ABLIM1: variants seen among roughly 807,000 people sequenced by gnomAD.
ABLIM1 encodes the protein actin binding LIM protein 1, also known as actin-binding LIM protein 1.
Under a neutral mutation model 107.0 loss-of-function variants are expected in ABLIM1, and 40 were observed. The ratio of observed to expected loss-of-function variants is 0.37; its 90% confidence interval spans 0.29 to 0.49. ABLIM1 has a LOEUF of 0.49. ABLIM1 is among the 20% of genes least tolerant of loss of function. The pLI, the probability that ABLIM1 is intolerant of heterozygous loss-of-function variation, is 0.97. For synonymous variants in ABLIM1, 357 were observed against 357.3 expected, an observed-to-expected ratio of 1.00 and a Z score of 0.01; for missense variants, 857 against 1,008.5, an observed-to-expected ratio of 0.85 and a Z score of 2.04.
intron 12 of ABLIM1, among the ~76,000 whole-genome samples, chr10:114,458,457 G>C (rs1382515128): frequency 6.6e-6 from 1 of 152,092 alleles, no homozygotes; most frequent in Non-Finnish European, 1.5e-5. Flanking sequence ...GAATAGAGAT[G>C]GGGGTGTGCG....
chr10:114,768,629 G>A (rs2142777940), upstream of ABLIM1, among the ~76,000 whole-genome samples: 1 of 151,820 alleles, frequency 6.6e-6, no homozygotes, highest in South Asian at 2.1e-4. Flanking sequence ...CAGCCCCTCC[G>A]AGTCGGCCAG....
intron 12 of ABLIM1, among the ~76,000 whole-genome samples, chr10:114,463,626 A>G (rs2064443506): frequency 6.6e-6 from 1 of 151,940 alleles, no homozygotes; most frequent in Non-Finnish European, 1.5e-5. Flanking sequence ...GATTTTGCCT[A>G]CATAGAAGGA....
At chr10:114,727,394 C>G (rs2081982688) in intron 1 of ABLIM1, among the ~76,000 whole-genome samples, 1 of 152,120 alleles carries the variant, frequency 6.6e-6, no homozygotes, top group South Asian at 2.1e-4. Flanking sequence ...TCTCAGTCAT[C>G]CAAGAATTGA....
intron 2 of ABLIM1, among the ~76,000 whole-genome samples, chr10:114,579,432 AT>A (rs1159830571): frequency 1.3e-5 from 2 of 152,194 alleles, no homozygotes; most frequent in Non-Finnish European, 2.9e-5. Context: ...TAAAAATCCC[AT>A]TTTTAGATAA....
At chr10:114,793,698 G>A in the ABLIM1 span, among the ~76,000 whole-genome samples, 1 of 152,108 alleles carries the variant, frequency 6.6e-6, no homozygotes, top group African/African-American at 2.4e-5. Flanking sequence ...GCCCATTACT[G>A]GGAGATGGGA....
chr10:114,505,554 A>T (rs2061011002), intron 6 of ABLIM1, among the ~76,000 whole-genome samples: 1 of 152,256 alleles, frequency 6.6e-6, no homozygotes, highest in South Asian at 2.1e-4. Flanking sequence ...ATAGGGCAGT[A>T]TCAGATAACA....
At chr10:114,479,799 C>T in intron 8 of ABLIM1, among the ~76,000 whole-genome samples, 1 of 152,152 alleles carries the variant, frequency 6.6e-6, no homozygotes, top group Non-Finnish European at 1.5e-5. Context: ...ATCCTAGATA[C>T]TTAGAATTTT....
chr10:114,538,170 C>T (rs781272187), intron 6 of ABLIM1, among the ~76,000 whole-genome samples: 11 of 152,198 alleles, frequency 7.2e-5, no homozygotes, highest in African/African-American at 2.4e-4. Flanking sequence ...ACATCATAAA[C>T]ATTTGCCCCT....
intron 6 of ABLIM1, chr10:114,526,705 C>G: frequency 1.0e-6 from 1 of 985,544 alleles, no homozygotes; most frequent in Non-Finnish European, 1.2e-6. Context: ...CTTGGCTGTG[C>G]TGAGCAGAGA....
At chr10:114,721,899 T>C (rs888791757) in intron 1 of ABLIM1, among the ~76,000 whole-genome samples, 1 of 152,202 alleles carries the variant, frequency 6.6e-6, no homozygotes, top group Non-Finnish European at 1.5e-5. Flanking sequence ...GTGGGATTCC[T>C]ATAAGCAAAG....
intron 7 of ABLIM1, among the ~76,000 whole-genome samples, chr10:114,491,002 G>A (rs1404003606): frequency 1.2e-4 from 9 of 78,088 alleles, no homozygotes; most frequent in Admixed American, 2.8e-4. Context: ...GTGTGTGTGT[G>A]TGTGTGTGTG....
At chr10:114,447,818 G>T in intron 15 of ABLIM1, 62 bp downstream of exon 15, 1 of 1,584,102 alleles carries the variant, frequency 6.3e-7, no homozygotes, top group Non-Finnish European at 8.6e-7. Context: ...ATGTTTTTAA[G>T]CATGTCATCT....
Position 114,601,808 on chromosome 10 carries a change from G to A in ABLIM1, c.379+19C>T, listed in dbSNP as rs754913281. 11 of 1,614,040 alleles carry A rather than the reference G, an allele frequency of 6.8e-6. No homozygotes were observed. The highest frequency in any genetic ancestry group is 3.3e-5 in the Admixed American group (2 of 60,004). ...CGACCATGGCATGCCACTGAGCCAC[G>A]AAGCTGGAGGCACCATACCTTTGCA... On this transcript the variant is annotated intron_variant, in intron 2 of 22. Transcript: ENST00000533213.
At chr10:114,727,258 T>G (rs1038512630) in intron 1 of ABLIM1, among the ~76,000 whole-genome samples, 3 of 152,242 alleles carry the variant, frequency 2.0e-5, no homozygotes, top group Non-Finnish European at 4.4e-5. Flanking sequence ...TTAGGAACTA[T>G]TCTTAATAGT....
intron 6 of ABLIM1, among the ~76,000 whole-genome samples, chr10:114,507,368 A>G (rs2061300939): frequency 6.6e-6 from 1 of 152,216 alleles, no homozygotes; most frequent in Non-Finnish European, 1.5e-5. Context: ...AGGAACGAAG[A>G]CATATGAAAG....
chr10:114,473,698 AAATGT>A (rs1164200723), intron 9 of ABLIM1, among the ~76,000 whole-genome samples, 176 bp downstream of exon 9: 1 of 152,238 alleles, frequency 6.6e-6, no homozygotes, highest in African/African-American at 2.4e-5. Flanking sequence ...ATGGTCACAT[AAATGT>A]AATTACCTAA....
At chr10:114,551,410 G>A (rs1208935551) in intron 4 of ABLIM1, among the ~76,000 whole-genome samples, 1 of 152,142 alleles carries the variant, frequency 6.6e-6, no homozygotes, top group Non-Finnish European at 1.5e-5. Flanking sequence ...CTGAAGCGGA[G>A]TTACACTCTA....
intron 6 of ABLIM1, among the ~76,000 whole-genome samples, chr10:114,515,896 G>T (rs1241879020): frequency 1.3e-5 from 2 of 152,164 alleles, no homozygotes; most frequent in Admixed American, 6.5e-5. Context: ...TCCTCTACCG[G>T]CTCAGAGAGG....
chr10:114,498,990 G>C (rs988422877), intron 6 of ABLIM1, among the ~76,000 whole-genome samples: 1 of 152,214 alleles, frequency 6.6e-6, no homozygotes, highest in African/African-American at 2.4e-5. Flanking sequence ...CTATGAGGTA[G>C]GTCGGTGCTA....
Sources: allele counts gnomAD v4.1 joint callset (sites outside exome capture counted in the v4.1 genomes callset), GRCh38; gene constraint gnomAD v4.1.1; transcripts MANE v1.5; gene names NCBI Gene and HGNC (gene_info 2026-07-23, HGNC 2026-07-21).